Variants in OTOA observed in about 807,000 individuals in gnomAD.
The protein encoded by OTOA is otoancorin.
In OTOA, 70 loss-of-function variants were observed where a neutral mutation model predicts 110.8. The observed-to-expected ratio is 0.63, with a 90% confidence interval of 0.52 to 0.77. OTOA has a LOEUF of 0.77. Among genes scored for constraint, OTOA ranks in the 30% least tolerant of loss-of-function variants. The probability of loss-of-function intolerance (pLI) is 0.00; values close to 1 mark genes in which losing one functional copy is unlikely to be tolerated. For missense variants in OTOA, 917 were observed against 1,075.8 expected (o/e 0.85, Z 2.06); for synonymous variants, 373 against 431.5 (o/e 0.86, Z 1.68).
chr16:21,678,942 C>T lies in OTOA; in HGVS notation c.119C>T (p.Ala40Val), dbSNP rs201061211. ...TTGCATCCATTGTTGCAAAACATGG[C>T]GGTGAGTATTCTATTTTCTGTTAAT... ...QDLHPLLQNM[A>V]EEIIDGSYLN... Residue 40 changes from alanine to valine, a missense_variant and splice_region_variant, in exon 3 of 29, where the codon GCG (alanine) becomes GTG (valine). Coordinates refer to ENST00000646100, the MANE Select transcript of OTOA (RefSeq NM_144672.4). The T allele has an allele frequency of 8.1e-6, 13 of 1,613,686 alleles. No homozygotes were observed. Among genetic ancestry groups the T allele is most frequent in the East Asian group, 4.5e-5 (2 of 44,870 alleles).
chr16:21,719,274 A>T, intron 16 of OTOA, 83 bp downstream of exon 16: 1 of 1,576,728 alleles, frequency 6.3e-7, no homozygotes, highest in South Asian at 1.1e-5. Context: ...CAGGTGGGAG[A>T]GTTAGGCAGT....
In OTOA at chr16:21,722,877, A is replaced by T. The variant is rs779835320; in HGVS notation, c.1807-28A>T. The T allele has an allele frequency of 3.1e-6, 5 of 1,603,748 alleles. No homozygotes were observed. In the South Asian group the frequency reaches 3.3e-5, roughly 11 times the overall value. On this transcript the variant is annotated intron_variant, in intron 17 of 28. Coordinates refer to ENST00000646100, the MANE Select transcript of OTOA (RefSeq NM_144672.4). Reference sequence around the variant, plus strand: ...TGTTTGTTCTTCTTCTTACTGCATTAAATCCCCAGAACTGCTTAATCTTTC... The same window carrying T: ...TGTTTGTTCTTCTTCTTACTGCATTTAATCCCCAGAACTGCTTAATCTTTC...
At chr16:21,668,153 G>A (rs1419197983) in intron 1 of OTOA, among the ~76,000 whole-genome samples, 2 of 152,044 alleles carry the variant, frequency 1.3e-5, no homozygotes, top group Admixed American at 1.3e-4. Context: ...CTGTCACTCA[G>A]GCTGGAGTGC....
Position 21,736,382 on chromosome 16 carries a change from C to T in OTOA, c.2423C>T (p.Pro808Leu), listed in dbSNP as rs746858630. The change falls in exon 22 of 29, where the codon CCT becomes CTT. Residue 808 changes from proline (P) to leucine (L), a missense_variant. By Grantham distance (98) the Pro-to-Leu change is moderately conservative. Coordinates refer to ENST00000646100, the MANE Select transcript of OTOA (RefSeq NM_144672.4). ...NSSDKIPSYD[P>L]MPGCHGVVAP... ...AGTGATAAGATCCCCAGCTATGACC[C>T]TATGCCTGGTGAGTGTTTTCAGGGT... The T allele has an allele frequency of 1.2e-5, 20 of 1,614,136 alleles. No homozygotes were observed. The highest frequency in any genetic ancestry group is 1.7e-5 in the Non-Finnish European group (20 of 1,180,020).
intron 5 of OTOA, 123 bp downstream of exon 5, chr16:21,679,334 A>G (rs2141653282): frequency 1.8e-6 from 2 of 1,126,876 alleles, no homozygotes; most frequent in South Asian, 2.6e-5. Context: ...TCAATGCACA[A>G]TGTGTTAAAA....
chr16:21,707,542 TTCCCTCCCTTCCTCCC>T (rs1356546035), intron 12 of OTOA, among the ~76,000 whole-genome samples: 1 of 151,710 alleles, frequency 6.6e-6, no homozygotes, highest in Non-Finnish European at 1.5e-5. Flanking sequence ...TCTTCCTTCC[TTCCCTCCCTTCCTCCC>T]TCCCTCCCTC....
intron 10 of OTOA, among the ~76,000 whole-genome samples, chr16:21,698,729 G>C (rs1019796577): frequency 6.6e-6 from 1 of 151,992 alleles, no homozygotes; most frequent in Non-Finnish European, 1.5e-5. Flanking sequence ...AGTGTCTTCC[G>C]ATTTTTATAA....
At chr16:21,685,407 CGTG>C in intron 7 of OTOA, 46 bp downstream of exon 7, 1 of 1,601,010 alleles carries the variant, frequency 6.2e-7, no homozygotes. Flanking sequence ...TCCAGCACCA[CGTG>C]GTGTTTGTTG....
chr16:21,685,114 A>C (rs1381982842), intron 6 of OTOA, 116 bp from the exon 7 acceptor site: 1 of 1,408,332 alleles, frequency 7.1e-7, no homozygotes, highest in East Asian at 2.4e-5. Flanking sequence ...ACTGCTGGCC[A>C]CTAGTTGTGG....
intron 18 of OTOA, among the ~76,000 whole-genome samples, chr16:21,723,552 T>C (rs1898827055): frequency 6.6e-6 from 1 of 152,190 alleles, no homozygotes; most frequent in South Asian, 2.1e-4. Context: ...GACCTTATAA[T>C]CTCATGGTGG....
chr16:21,667,719 A>G (rs1485463500), intron 1 of OTOA, among the ~76,000 whole-genome samples: 3 of 152,154 alleles, frequency 2.0e-5, no homozygotes, highest in Non-Finnish European at 4.4e-5. Flanking sequence ...CCCTGTCCCA[A>G]GTACTCAACT....
intron 5 of OTOA, among the ~76,000 whole-genome samples, chr16:21,680,877 A>C (rs1433502017): frequency 6.6e-6 from 1 of 152,006 alleles, no homozygotes; most frequent in African/African-American, 2.4e-5. Context: ...AAAATGAGAA[A>C]AGGCTATTCA....
At chr16:21,685,137 A>C in intron 6 of OTOA, 93 bp from the exon 7 acceptor site, 11 of 1,514,478 alleles carry the variant, frequency 7.3e-6, no homozygotes, top group South Asian at 1.1e-5. Flanking sequence ...TCTGCAGGGA[A>C]TGAGGGGGCC....
At chr16:21,713,976 C>A (rs1477491518) in intron 13 of OTOA, among the ~76,000 whole-genome samples, 1 of 152,288 alleles carries the variant, frequency 6.6e-6, no homozygotes, top group African/African-American at 2.4e-5. Context: ...TAATACCCAA[C>A]TCTTCCTACT....
At chr16:21,714,825 T>C (rs1256094345) in intron 13 of OTOA, among the ~76,000 whole-genome samples, 160 bp from the exon 14 acceptor site, 2 of 152,136 alleles carry the variant, frequency 1.3e-5, no homozygotes, top group Admixed American at 6.6e-5. Flanking sequence ...TCTTTCTTGA[T>C]AGAAGGAAGG....
chr16:21,738,935 T>C (rs1899443418), intron 22 of OTOA, among the ~76,000 whole-genome samples: 1 of 151,732 alleles, frequency 6.6e-6, no homozygotes, highest in African/African-American at 2.4e-5. Flanking sequence ...TACCCAAAGT[T>C]GGTGGTGACC....
At chr16:21,686,867 T>G (rs1897725525) in intron 7 of OTOA, among the ~76,000 whole-genome samples, 1 of 152,160 alleles carries the variant, frequency 6.6e-6, no homozygotes, top group African/African-American at 2.4e-5. Context: ...CACTGCGGAC[T>G]GGGTGACAGA....
intron 5 of OTOA, among the ~76,000 whole-genome samples, chr16:21,681,072 C>T (rs529584595): frequency 4.6e-4 from 70 of 152,280 alleles, no homozygotes; most frequent in African/African-American, 1.7e-3. Flanking sequence ...GGAGCCCACA[C>T]TCCTAACTAT....
At chr16:21,673,223 C>G (rs1447093092) in intron 1 of OTOA, among the ~76,000 whole-genome samples, 5 of 152,186 alleles carry the variant, frequency 3.3e-5, no homozygotes, top group African/African-American at 9.7e-5. Context: ...GTGTACTCTT[C>G]ACCCAGTTTC....
Sources: gnomAD v4.1 joint callset for allele counts (sites outside exome capture counted in the v4.1 genomes callset) on GRCh38, gnomAD v4.1.1 for gene constraint, MANE v1.5 for transcripts, NCBI Gene and HGNC (gene_info 2026-07-23, HGNC 2026-07-21) for gene names.